The following LCNL1 variants were observed in gnomAD, a reference collection of about 807,000 sequenced individuals.
LCNL1 encodes lipocalin-like 1 protein.
LCNL1 carries 11 observed loss-of-function variants against 7.9 expected under a neutral mutation model. That is an observed-to-expected ratio of 1.40 (90% confidence interval 0.88 to 2.32). LCNL1 has a LOEUF of 2.32. Among genes scored for constraint, LCNL1 ranks in the 30% most tolerant of loss-of-function variants. LCNL1 has a pLI of 0.00. For missense variants in LCNL1, 218 were observed against 217.0 expected (o/e 1.00, Z -0.03); for synonymous variants, 90 against 92.5 (o/e 0.97, Z 0.15).
Position 136,985,288 on chromosome 9 carries a change from C to A in LCNL1, c.*277C>A, listed in dbSNP as rs372480295. On this transcript the variant is annotated 3_prime_UTR_variant, in exon 3 of 3. Transcript: ENST00000408973. ...CTGTCTGGGTCGGGGGAGGGCGAGA[C>A]GTTGCCCAGGCCGGTGTTCCCAGGA... 3,632 of 425,870 alleles carry A rather than the reference C, an allele frequency of 8.5e-3. 27 individuals carry two copies. Among genetic ancestry groups the A allele is most frequent in the Non-Finnish European group, 0.013 (3,036 of 240,206 alleles). 26.4% of individuals were successfully genotyped at this position (425,870 alleles called of 1,614,324 possible).
At chr9:136,984,467 G>A in intron 1 of LCNL1, 23 bp from the exon 2 acceptor site, 1 of 1,542,076 alleles carries the variant, frequency 6.5e-7, no homozygotes, top group Non-Finnish European at 8.8e-7. Flanking sequence ...GCCACTCAGG[G>A]GATTGGGGCT....
In LCNL1 at chr9:136,983,109, A is replaced by G. The variant is rs1830461315; in HGVS notation, c.-478A>G. On this transcript the variant is annotated 5_prime_UTR_variant, in exon 1 of 3. Transcript: ENST00000408973. ...GGTGCTGCACCCCGGGTCCCTGTCC[A>G]CACCCTCTTTGATCCAGGCTCAGCA... The G allele has an allele frequency of 5.9e-6, 1 of 169,854 alleles. No homozygotes were observed. Among genetic ancestry groups the G allele is most frequent in the Admixed American group, 5.7e-5 (1 of 17,494 alleles). 10.5% of individuals were successfully genotyped at this position (169,854 alleles called of 1,614,324 possible). A position where few individuals can be genotyped will look rare whatever the true frequency, so the allele number is the denominator to read the frequency against.
rs755183590 is a variant in LCNL1 at position 136,983,541 on chromosome 9, C to T, written c.-46C>T. 1.6e-5 allele frequency: 26 copies of T among 1,604,040 alleles called. No homozygotes were observed. The South Asian group carries it at 2.3e-4, about 14-fold the overall frequency. ...CAGGCCCAGGGCACAGGGGCGGCCT[C>T]CCAGCCTTCCCTGCACTTGCCCTGC... On this transcript the variant is annotated 5_prime_UTR_variant, in exon 1 of 3. Transcript: ENST00000408973.
chr9:136,984,693 AG>A lies in LCNL1; in HGVS notation c.197-19del. ...GGGGAGGTGCCCTGGGCCTGGGGTC[AG>A]CGGCTCTCGCTCCTCCAGCCATGGC... On this transcript the variant is annotated intron_variant, in intron 2 of 2. Coordinates refer to ENST00000408973, the MANE Select transcript of LCNL1 (RefSeq NM_207510.4). 1.3e-6 allele frequency: 2 copies of A among 1,515,932 alleles called. No individual in the cohort carries two copies. The highest frequency in any genetic ancestry group is 2.6e-5 in the South Asian group (2 of 76,278). 93.9% of individuals were successfully genotyped at this position (1,515,932 alleles called of 1,614,324 possible).
rs903554119 is a variant in LCNL1 at position 136,985,129 on chromosome 9, C to T, written c.*118C>T. 3 of 1,081,342 alleles carry T rather than the reference C, an allele frequency of 2.8e-6. No homozygotes were observed. Among genetic ancestry groups the T allele is most frequent in the Admixed American group, 3.0e-5 (1 of 33,596 alleles). 67.0% of individuals were successfully genotyped at this position (1,081,342 alleles called of 1,614,324 possible). On this transcript the variant is annotated 3_prime_UTR_variant, in exon 3 of 3. Transcript: ENST00000408973. ...AGCCCCAGCCAGGGCGTCCTGCTGC[C>T]GAAGTCGGGTGAGCGGTGCCGGCAG...
At chr9:136,984,268 G>A in intron 1 of LCNL1, 1 of 503,390 alleles carries the variant, frequency 2.0e-6, no homozygotes, top group Non-Finnish European at 3.5e-6. Flanking sequence ...GGGGGACCTG[G>A]AGGCCCTGCA....
At position 136,983,607 on chromosome 9, in the gene LCNL1, T is replaced by C; in HGVS notation, c.21T>C (p.Asp7=). The C allele has an allele frequency of 3.1e-6, 5 of 1,613,850 alleles. No individual in the cohort carries two copies. Among genetic ancestry groups the C allele is most frequent in the Non-Finnish European group, 4.2e-6 (5 of 1,179,820 alleles). Residue 7 remains aspartate, a synonymous_variant, in exon 1 of 3, where the codon GAT becomes GAC. Transcript: ENST00000408973. ...GGTACATGGTCGGGGTGGTGTCAGATGACCAGGACTTCCTGGACTCCAAGG... is the reference window on the plus strand; with the variant it reads ...GGTACATGGTCGGGGTGGTGTCAGACGACCAGGACTTCCTGGACTCCAAGG... MVGVVS[D]DQDFLDSKDT... is the part of the protein sequence containing the mutation.
chr9:136,984,825 T>C lies in LCNL1; in HGVS notation c.309T>C (p.Gly103=). 6.3e-7 allele frequency: 1 copy of C among 1,575,700 alleles called. No homozygotes were observed. The highest frequency in any genetic ancestry group is 8.6e-7 in the Non-Finnish European group (1 of 1,160,518). The change falls in exon 3 of 3, where the codon GGT becomes GGC. Residue 103 remains glycine, a synonymous_variant. Transcript: ENST00000408973. ...GLRNQWLQLY[G]GRAAGRRPRH... is the part of the protein sequence containing the mutation. Reference sequence around the variant, plus strand: ...GGAACCAGTGGCTGCAGCTCTACGGTGGGCGGGCTGCGGGGCGGAGACCCA... The same window carrying C: ...GGAACCAGTGGCTGCAGCTCTACGGCGGGCGGGCTGCGGGGCGGAGACCCA...
intron 1 of LCNL1, 138 bp downstream of exon 1, chr9:136,983,846 G>GC: frequency 8.2e-7 from 1 of 1,225,470 alleles, no homozygotes; most frequent in Non-Finnish European, 1.2e-6. Context: ...GTGCGGCAGA[G>GC]CCCCAGATGG....
rs368291328 is a variant in LCNL1 at position 136,983,705 on chromosome 9, C to T, written c.119C>T (p.Pro40Leu). 28 of 1,613,524 alleles carry T rather than the reference C, an allele frequency of 1.7e-5. No homozygotes were observed. In the African/African-American group the frequency reaches 3.5e-4, roughly 20 times the overall value. The change falls in exon 1 of 3, where the codon CCC (proline) becomes CTC (leucine). Residue 40 changes from proline to leucine, a missense_variant. Physicochemically the swap from Pro to Leu is moderately conservative, Grantham distance 98. Coordinates refer to ENST00000408973, the MANE Select transcript of LCNL1 (RefSeq NM_207510.4). ...NGDLALKFGY[P>L]TPHGGCQKMD... ...GACCTGGCCCTCAAGTTTGGATACC[C>T]CACGTAAGTGACCACACGAGCCCAT...
intron 1 of LCNL1, 84 bp from the exon 2 acceptor site, chr9:136,984,405 TG>T: frequency 1.6e-6 from 2 of 1,285,812 alleles, no homozygotes; most frequent in Non-Finnish European, 2.1e-6. Flanking sequence ...CAGGGGACCC[TG>T]GGCTCAGAGA....
Position 136,984,700 on chromosome 9 carries a change from C to G in LCNL1, c.197-13C>G. The G allele has an allele frequency of 1.3e-6, 2 of 1,517,314 alleles. No homozygotes were observed. Among genetic ancestry groups the G allele is most frequent in the Non-Finnish European group, 1.8e-6 (2 of 1,129,952 alleles). 94.0% of individuals were successfully genotyped at this position (1,517,314 alleles called of 1,614,324 possible). On this transcript the variant is annotated splice_polypyrimidine_tract_variant and intron_variant, in intron 2 of 2. Coordinates refer to ENST00000408973, the MANE Select transcript of LCNL1 (RefSeq NM_207510.4). ...TGCCCTGGGCCTGGGGTCAGCGGCT[C>G]TCGCTCCTCCAGCCATGGCCCTGAG...
rs568344514 is a variant in LCNL1 at position 136,984,500 on chromosome 9, G to A, written c.133G>A (p.Gly45Arg). The change falls in exon 2 of 3, where the codon GGG (glycine) becomes AGG (arginine). Residue 45 changes from glycine (G) to arginine (R), a missense_variant. Transcript: ENST00000408973. ...LKFGYPTPHG[G>R]CQKMDTTFTE... is the part of the protein sequence containing the mutation. ...GCTCTTTCTCCCCAGGCCCCATGGC[G>A]GGTGCCAGAAAATGGACACGACCTT... 1.2e-5 allele frequency: 19 copies of A among 1,567,710 alleles called. No homozygotes were observed. Among genetic ancestry groups the A allele is most frequent in the East Asian group, 4.7e-5 (2 of 42,926 alleles).
At position 136,984,701 on chromosome 9, in the gene LCNL1, T is replaced by A; in HGVS notation, c.197-12T>A. Reference sequence around the variant, plus strand: ...GCCCTGGGCCTGGGGTCAGCGGCTCTCGCTCCTCCAGCCATGGCCCTGAGT... The same window carrying A: ...GCCCTGGGCCTGGGGTCAGCGGCTCACGCTCCTCCAGCCATGGCCCTGAGT... On this transcript the variant is annotated splice_polypyrimidine_tract_variant and intron_variant, in intron 2 of 2. Transcript: ENST00000408973. 1 of 1,517,766 alleles carries A rather than the reference T, an allele frequency of 6.6e-7. No individual in the cohort carries two copies. Among genetic ancestry groups the A allele is most frequent in the Non-Finnish European group, 8.8e-7 (1 of 1,130,070 alleles). 94.0% of individuals were successfully genotyped at this position (1,517,766 alleles called of 1,614,324 possible). A position where few individuals can be genotyped will look rare whatever the true frequency, so the allele number is the denominator to read the frequency against.
chr9:136,985,140 G>A lies in LCNL1; in HGVS notation c.*129G>A. 1 of 973,400 alleles carries A rather than the reference G, an allele frequency of 1.0e-6. No homozygotes were observed. Among genetic ancestry groups the A allele is most frequent in the Non-Finnish European group, 1.5e-6 (1 of 672,240 alleles). The allele number at this position is 973,400 out of a possible 1,614,324, so 60.3% of individuals were successfully genotyped here. ...GGGCGTCCTGCTGCCGAAGTCGGGTGAGCGGTGCCGGCAGCCCTGCTGGGA... is the reference window on the plus strand; with the variant it reads ...GGGCGTCCTGCTGCCGAAGTCGGGTAAGCGGTGCCGGCAGCCCTGCTGGGA... On this transcript the variant is annotated 3_prime_UTR_variant, in exon 3 of 3. Transcript: ENST00000408973.
intron 1 of LCNL1, chr9:136,984,179 C>T (rs1487062640): frequency 2.2e-6 from 1 of 449,752 alleles, no homozygotes; most frequent in Admixed American, 3.9e-5. Context: ...GTGTGTCTGT[C>T]AGTGTGTCTG....
rs968264872 is a variant in LCNL1, at chr9:136,983,331, C to A, written c.-256C>A. On this transcript the variant is annotated 5_prime_UTR_variant, in exon 1 of 3. Transcript: ENST00000408973. ...CCCACAAAGACCTGTGACCTTGCCA[C>A]AGCCCCACCCATCCAGCCGTACCCC... 5.2e-5 allele frequency: 24 copies of A among 458,424 alleles called. No individual in the cohort carries two copies. The highest frequency in any genetic ancestry group is 4.1e-4 in the African/African-American group (21 of 51,042). The allele number at this position is 458,424 out of a possible 1,614,324, so 28.4% of individuals were successfully genotyped here.
chr9:136,983,839 C>T lies in LCNL1; in HGVS notation c.122+131C>T, dbSNP rs147342119. ...ACCACGGGTCCTCGACGGCTCTGTG[C>T]GGCAGAGCCCCAGATGGCAGCCACA... On this transcript the variant is annotated intron_variant, in intron 1 of 2. Coordinates refer to ENST00000408973, the MANE Select transcript of LCNL1 (RefSeq NM_207510.4). 7.4e-4 allele frequency: 951 copies of T among 1,281,810 alleles called. 7 individuals carry two copies. The African/African-American group carries it at 0.013, about 17-fold the overall frequency. The allele number at this position is 1,281,810 out of a possible 1,614,324, so 79.4% of individuals were successfully genotyped here. A position where few individuals can be genotyped will look rare whatever the true frequency, so the allele number is the denominator to read the frequency against.
rs183079475 is a variant in LCNL1 at position 136,985,188 on chromosome 9, C to A, written c.*177C>A. 5.6e-5 allele frequency: 36 copies of A among 638,400 alleles called. No homozygotes were observed. The African/African-American group carries it at 6.7e-4, about 12-fold the overall frequency. The allele number at this position is 638,400 out of a possible 1,614,324, so 39.5% of individuals were successfully genotyped here. A position where few individuals can be genotyped will look rare whatever the true frequency, so the allele number is the denominator to read the frequency against. On this transcript the variant is annotated 3_prime_UTR_variant, in exon 3 of 3. Coordinates refer to ENST00000408973, the MANE Select transcript of LCNL1 (RefSeq NM_207510.4). The stretch of plus-strand genomic sequence containing the variant: ...GGAGGGCCAGGCCCCGGGTCACACC[C>A]CTGCTGGAAGGGCCAGGCCCTGGTC...
Sources: allele counts gnomAD v4.1 joint callset, GRCh38; gene constraint gnomAD v4.1.1; transcripts MANE v1.5; gene names NCBI Gene and HGNC (gene_info 2026-07-23, HGNC 2026-07-21).